VWF: variants seen among roughly 807,000 people sequenced by gnomAD.
VWF encodes the protein Factor VIII related antigen.
A neutral mutation model predicts 308.6 loss-of-function variants in VWF; 176 were observed. The observed-to-expected ratio is 0.57, with a 90% CI of 0.50 to 0.65. The LOEUF (loss-of-function observed/expected upper bound fraction) is 0.65, where lower values mean the gene tolerates loss of function less well. Among genes scored for constraint, VWF ranks in the 30% least tolerant of loss-of-function variants. The pLI is 0.00. For missense variants in VWF, 3,146 were observed against 3,648.2 expected, an observed-to-expected ratio of 0.86 and a Z score of 3.55; for synonymous variants, 1,385 against 1,443.4, an observed-to-expected ratio of 0.96 and a Z score of 0.92.
At chr12:5,974,976 AAGC>A (rs1188828192) in intron 43 of VWF, among the ~76,000 whole-genome samples, 1 of 152,234 alleles carries the variant, frequency 6.6e-6, no homozygotes, top group African/African-American at 2.4e-5. Context: ...AATGACCTCT[AAGC>A]AGCACTCTCT....
At chr12:6,067,370 A>C (rs938985366) in intron 10 of VWF, among the ~76,000 whole-genome samples, 7 of 152,188 alleles carry the variant, frequency 4.6e-5, no homozygotes, top group Non-Finnish European at 1.0e-4. Flanking sequence ...TAAGCAAGAA[A>C]ATGGACTTCT....
At position 6,032,580 on chromosome 12, in the gene VWF, G is replaced by A. The variant is rs138515611; in HGVS notation, c.2686-1002C>T. On this transcript the variant is annotated intron_variant, in intron 20 of 51. Coordinates refer to ENST00000261405, the MANE Select transcript of VWF (RefSeq NM_000552.5). ...ATGAATCGAGGAGGCGGAGCTTGCA[G>A]TGAGCCGAGATCGCACCACTGCACT... Among the ~76,000 whole-genome samples, 724 of 151,614 alleles carry A rather than the reference G, an allele frequency of 4.8e-3. 4 individuals are homozygous for A. The highest frequency in any genetic ancestry group is 0.017 in the African/African-American group (689 of 41,328).
chr12:5,967,848 G>A (rs985578732), intron 46 of VWF, among the ~76,000 whole-genome samples: 1 of 152,196 alleles, frequency 6.6e-6, no homozygotes, highest in African/African-American at 2.4e-5. Context: ...ACTAAAACGT[G>A]CACAATGACT....
chr12:5,967,436 T>C (rs1159019625), intron 47 of VWF, 50 bp downstream of exon 47: 1 of 1,498,162 alleles, frequency 6.7e-7, no homozygotes, highest in African/African-American at 1.4e-5. Context: ...ACTGCCTGGG[T>C]CCCACACGCG....
chr12:6,055,214 G>A (rs1260396793), intron 15 of VWF, among the ~76,000 whole-genome samples: 1 of 152,152 alleles, frequency 6.6e-6, no homozygotes, highest in Non-Finnish European at 1.5e-5. Context: ...TGGGCCCTTA[G>A]CATTCCAGGA....
chr12:6,108,345 A>ACG (rs1192043250), intron 5 of VWF, among the ~76,000 whole-genome samples: 2 of 137,070 alleles, frequency 1.5e-5, no homozygotes, highest in Non-Finnish European at 3.0e-5. Flanking sequence ...ACACACACAC[A>ACG]CACACACACA....
chr12:6,039,905 G>C (rs1322158283), intron 18 of VWF, among the ~76,000 whole-genome samples: 1 of 152,124 alleles, frequency 6.6e-6, no homozygotes, highest in Non-Finnish European at 1.5e-5. Context: ...TTTGGGAGAT[G>C]TAGCTGCTAG....
intron 6 of VWF, among the ~76,000 whole-genome samples, chr12:6,078,138 G>A (rs1385294219): frequency 6.6e-6 from 1 of 152,138 alleles, no homozygotes; most frequent in Non-Finnish European, 1.5e-5. Context: ...TCCCCAGCAG[G>A]ACAGAAGGAC....
chr12:6,010,364 C>T (rs1943980921), intron 34 of VWF, among the ~76,000 whole-genome samples: 1 of 152,152 alleles, frequency 6.6e-6, no homozygotes, highest in Non-Finnish European at 1.5e-5. Flanking sequence ...GATGCATGCA[C>T]TCTCATACCT....
chr12:6,087,559 G>A (rs1453248638), intron 6 of VWF, among the ~76,000 whole-genome samples: 1 of 146,738 alleles, frequency 6.8e-6, no homozygotes, highest in Non-Finnish European at 1.5e-5. Flanking sequence ...TAGAGACGGG[G>A]CTTCACTGTG....
chr12:6,011,434 T>C (rs1201510310), intron 34 of VWF, among the ~76,000 whole-genome samples, 183 bp downstream of exon 34: 1 of 152,296 alleles, frequency 6.6e-6, no homozygotes, highest in East Asian at 1.9e-4. Context: ...TCCCTGAGAC[T>C]GGCTGCATGC....
chr12:5,980,706 G>A (rs1475367702), intron 42 of VWF, among the ~76,000 whole-genome samples: 1 of 151,662 alleles, frequency 6.6e-6, no homozygotes, highest in African/African-American at 2.4e-5. Context: ...TCCCTGAGCT[G>A]GAAGAGCGTC....
chr12:6,051,092 G>A (rs1416818068), intron 16 of VWF, among the ~76,000 whole-genome samples: 2 of 152,020 alleles, frequency 1.3e-5, no homozygotes, highest in Non-Finnish European at 2.9e-5. Context: ...GTGTTTGCAG[G>A]TGAAATGATG....
intron 37 of VWF, 84 bp from the exon 38 acceptor site, chr12:5,992,102 T>G: frequency 7.5e-7 from 1 of 1,333,404 alleles, no homozygotes; most frequent in Non-Finnish European, 1.1e-6. Flanking sequence ...TGGTTAATCA[T>G]CAGACAAACT....
Position 5,969,355 on chromosome 12 carries a change from G to A in VWF, c.7585C>T (p.Leu2529Phe). The A allele has an allele frequency of 1.2e-6, 2 of 1,614,230 alleles. No homozygotes were observed. The highest frequency in any genetic ancestry group is 1.7e-6 in the Non-Finnish European group (2 of 1,180,038). The change falls in exon 45 of 52, where the codon CTC becomes TTC. Residue 2529 changes from leucine to phenylalanine, a missense_variant. By Grantham distance (22) the Leu-to-Phe change is conservative. Coordinates refer to ENST00000261405, the MANE Select transcript of VWF (RefSeq NM_000552.5). ...SQWASPENPC[L>F]INECVRVKEE... ...TTCACTCGGACACACTCATTGATGA[G>A]GCAGGGGTTCTCCGGGGAGGCCCAC...
At chr12:6,045,223 C>G (rs567163120) in intron 17 of VWF, among the ~76,000 whole-genome samples, 2 of 152,338 alleles carry the variant, frequency 1.3e-5, no homozygotes, top group South Asian at 4.1e-4. Flanking sequence ...GATACAGCAC[C>G]TTTCTTTCCA....
intron 11 of VWF, 95 bp from the exon 12 acceptor site, chr12:6,064,479 G>A (rs780636343): frequency 2.0e-4 from 313 of 1,544,394 alleles, no homozygotes; most frequent in Non-Finnish European, 2.4e-4. Flanking sequence ...GCCTCAACCC[G>A]AGAGCCTCTG....
intron 45 of VWF, among the ~76,000 whole-genome samples, chr12:5,968,941 G>A (rs968348330): frequency 1.3e-5 from 2 of 152,216 alleles, no homozygotes; most frequent in Non-Finnish European, 2.9e-5. Flanking sequence ...CTTCCCCTGG[G>A]TGAAACGTCA....
rs1943143016 is a variant in VWF at position 5,948,880 on chromosome 12, T to C, written c.*135A>G. The C allele has an allele frequency of 2.0e-5, 22 of 1,099,958 alleles. No individual in the cohort carries two copies. The East Asian group carries it at 5.4e-4, about 27-fold the overall frequency. The allele number at this position is 1,099,958 out of a possible 1,614,324, so 68.1% of individuals were successfully genotyped here. On this transcript the variant is annotated 3_prime_UTR_variant, in exon 52 of 52. Transcript: ENST00000261405. The surrounding 1 kb of genome is among the most constrained non-coding windows in gnomAD (Gnocchi z 4.4). Reference sequence around the variant, plus strand: ...ACGACACAGTGCACCAGCAGCCTTTTGCAAGATAAGAGCTCAGCCTTTATT... The same window carrying C: ...ACGACACAGTGCACCAGCAGCCTTTCGCAAGATAAGAGCTCAGCCTTTATT...
Sources: allele counts gnomAD v4.1 joint callset (sites outside exome capture counted in the v4.1 genomes callset), GRCh38; gene constraint gnomAD v4.1.1; non-coding constraint Gnocchi (gnomAD v3.1); transcripts MANE v1.5; gene names NCBI Gene and HGNC (gene_info 2026-07-23, HGNC 2026-07-21).